The following GIGYF1 variants were observed in gnomAD, a reference collection of about 807,000 sequenced individuals.
GIGYF1 encodes the protein GRB10-interacting GYF protein 1.
In GIGYF1, 84 loss-of-function variants were observed where a neutral mutation model predicts 147.1. The ratio of observed to expected loss-of-function variants is 0.57; its 90% confidence interval spans 0.48 to 0.68. The LOEUF (loss-of-function observed/expected upper bound fraction) is 0.68. GIGYF1 is among the 30% of genes least tolerant of loss of function. The probability of loss-of-function intolerance (pLI) is 0.00; values close to 1 mark genes in which losing one functional copy is unlikely to be tolerated. For missense variants in GIGYF1, 1,485 were observed against 1,393.7 expected (o/e 1.07, Z -1.04); for synonymous variants, 752 against 589.5 (o/e 1.28, Z -3.99).
rs1168010330 is a variant in GIGYF1 at position 100,686,748 on chromosome 7, G to A, written c.595C>T (p.Arg199Cys). 4.3e-6 allele frequency: 7 copies of A among 1,613,816 alleles called. No individual in the cohort carries two copies. The highest frequency in any genetic ancestry group is 1.6e-4 in the Middle Eastern group (1 of 6,084). The change falls in exon 10 of 27, where the codon CGC (arginine) becomes TGC (cysteine). Residue 199 changes from arginine to cysteine, a missense_variant. Transcript: ENST00000678049. ...TCCTCCTGTTCCTCCCGTAGGGAGC[G>A]CCAGTTCTCGCTGTCTGAGCGGGCG... ...EHARSDSENWRSLREEQEEEE... is the reference protein window; with the variant it reads ...EHARSDSENWCSLREEQEEEE...
At position 100,686,262 on chromosome 7, in the gene GIGYF1, T is replaced by A. The variant is rs745925625; in HGVS notation, c.866A>T (p.Asp289Val). 6 of 1,613,920 alleles carry A rather than the reference T, an allele frequency of 3.7e-6. No individual in the cohort carries two copies. The East Asian group carries it at 1.1e-4, about 30-fold the overall frequency. ...RAPEGFEEDKDGLPEWCLDDE... is the reference protein window; with the variant it reads ...RAPEGFEEDKVGLPEWCLDDE... ...GTCCAGGCACCACTCTGGGAGCCCA[T>A]CCTTGTCCTCCTCAAAGCCTTCAGG... Residue 289 changes from aspartate to valine, a missense_variant, in exon 11 of 27, where the codon GAT (aspartate) becomes GTT (valine). Transcript: ENST00000678049.
rs992248992 is a variant in GIGYF1, at chr7:100,683,738, G to C, written c.1969+80C>G. ...CCCAGCCAGAATGGCAGCTAGGGGC[G>C]TGTGGGGGTGGGGAGCAGACCCCAG... On this transcript the variant is annotated intron_variant, in intron 19 of 26. Transcript: ENST00000678049. 6.5e-5 allele frequency: 101 copies of C among 1,543,430 alleles called. 1 individual carries two copies. Among genetic ancestry groups the C allele is most frequent in the South Asian group, 4.6e-4 (41 of 89,646 alleles).
rs763169273 is a variant in GIGYF1, at chr7:100,682,335, C to T, written c.2748G>A (p.Thr916=). The T allele has an allele frequency of 3.0e-5, 48 of 1,612,368 alleles. No individual in the cohort carries two copies. The highest frequency in any genetic ancestry group is 3.6e-5 in the Non-Finnish European group (43 of 1,179,766). ...CEQMLHTLSA[T]GSLDVPMAVA... ...CCGCTCGCCCACCGTCCAGGCTGCC[C>T]GTGGCGCTCAGCGTGTGCAGCATCT... Residue 916 remains threonine (T), a synonymous_variant, in exon 24 of 27, where the codon ACG becomes ACA. Transcript: ENST00000678049.
At position 100,680,397 on chromosome 7, in the gene GIGYF1, A is replaced by G. The variant is rs1000464705; in HGVS notation, c.*1322T>C. On this transcript the variant is annotated 3_prime_UTR_variant, in exon 27 of 27. Transcript: ENST00000678049. Reference sequence around the variant, plus strand: ...AAAAGACAAAACTGTTACAAAACCCAAAATGGGCGGAGACGAACCCAAGTA... The same window carrying G: ...AAAAGACAAAACTGTTACAAAACCCGAAATGGGCGGAGACGAACCCAAGTA... The G allele has an allele frequency of 1.3e-5, 2 of 152,636 alleles. No individual in the cohort carries two copies. Among genetic ancestry groups the G allele is most frequent in the African/African-American group, 4.8e-5 (2 of 41,456 alleles). 9.5% of individuals were successfully genotyped at this position (152,636 alleles called of 1,614,324 possible).
intron 4 of GIGYF1, 24 bp from the exon 5 acceptor site, chr7:100,688,134 A>AGAC: frequency 6.2e-7 from 1 of 1,605,900 alleles, no homozygotes; most frequent in Non-Finnish European, 8.5e-7. Context: ...AGAGAGAAGA[A>AGAC]GACAGAGGTC....
In GIGYF1 at chr7:100,682,226, G is replaced by A. The variant is rs374210508; in HGVS notation, c.2771C>T (p.Ala924Val). The change falls in exon 25 of 27, where the codon GCT (alanine) becomes GTT (valine). Residue 924 changes from alanine to valine, a missense_variant. Ala to Val is a moderately conservative substitution (Grantham distance 64, BLOSUM62 0). Transcript: ENST00000678049. ...TTCCACCTCCTTGAGGATCGCTACA[G>A]CCATGGGCACTGCAGGATGAGCGAA... ...SATGSLDVPM[A>V]VAILKEVESP... is the part of the protein sequence containing the mutation. The A allele has an allele frequency of 2.2e-5, 36 of 1,611,988 alleles. No individual in the cohort carries two copies. The highest frequency in any genetic ancestry group is 3.0e-5 in the Non-Finnish European group (35 of 1,179,812).
intron 20 of GIGYF1, 33 bp downstream of exon 20, chr7:100,683,517 T>A: frequency 6.2e-7 from 1 of 1,613,754 alleles, no homozygotes; most frequent in Non-Finnish European, 8.5e-7. Flanking sequence ...CACCCTTCAT[T>A]CCCAGGGCCT....
chr7:100,690,327 G>A (rs1462956891), intron 1 of GIGYF1, among the ~76,000 whole-genome samples: 2 of 152,166 alleles, frequency 1.3e-5, no homozygotes, highest in Non-Finnish European at 2.9e-5. Flanking sequence ...GGAGGCATGA[G>A]GGTGGGAGAG....
chr7:100,694,024 C>G (rs934305477), intron 1 of GIGYF1, 86 bp downstream of exon 1: 1 of 146,462 alleles, frequency 6.8e-6, no homozygotes. Flanking sequence ...AGCTCGCGGG[C>G]TCGGCGCGGC....
At chr7:100,687,959 C>A in intron 5 of GIGYF1, 22 bp downstream of exon 5, 3 of 1,608,902 alleles carry the variant, frequency 1.9e-6, no homozygotes, top group East Asian at 2.2e-5. Context: ...CCACCGCCAA[C>A]CCCCCTCGCC....
At position 100,684,296 on chromosome 7, in the gene GIGYF1, C is replaced by A. The variant is rs781433329; in HGVS notation, c.1671G>T (p.Leu557=). 9 of 1,603,880 alleles carry A rather than the reference C, an allele frequency of 5.6e-6. No homozygotes were observed. The East Asian group carries it at 2.0e-4, about 36-fold the overall frequency. Residue 557 remains leucine (L), a synonymous_variant, in exon 17 of 27, where the codon CTG becomes CTT. Coordinates refer to ENST00000678049, the MANE Select transcript of GIGYF1 (RefSeq NM_001375765.1). The part of the protein sequence containing the change: ...DQERLKKQQE[L]AAAALYQQLQ... ...GCTGCTGGTACAAGGCCGCCGCGGC[C>A]AGCTCCTGTTGCTTCTTCAGCCGCT...
At position 100,688,202 on chromosome 7, in the gene GIGYF1, A is replaced by C; in HGVS notation, c.35+2T>G. ...ACGGCAGCCGAGGCACAAGTGACTC[A>C]CCACTCAGGCCCAAAGTTGAGTGTC... On this transcript the variant is annotated splice_donor_variant, in intron 4 of 26. Coordinates refer to ENST00000678049, the MANE Select transcript of GIGYF1 (RefSeq NM_001375765.1). LOFTEE classifies it high-confidence loss of function. 6.2e-7 allele frequency: 1 copy of C among 1,611,172 alleles called. No individual in the cohort carries two copies. Among genetic ancestry groups the C allele is most frequent in the Admixed American group, 1.7e-5 (1 of 59,918 alleles).
chr7:100,692,663 C>T lies in GIGYF1; in HGVS notation c.-1099+1447G>A, dbSNP rs916320478. ...ATCACGAACACAAGACTGATGTGTCCAACAGCAGAAAAAGCTAGTCCAGAA... is the reference window on the plus strand; with the variant it reads ...ATCACGAACACAAGACTGATGTGTCTAACAGCAGAAAAAGCTAGTCCAGAA... On this transcript the variant is annotated intron_variant, in intron 1 of 26. Transcript: ENST00000678049. Among the ~76,000 whole-genome samples, 28 of 152,242 alleles carry T rather than the reference C, an allele frequency of 1.8e-4. 1 individual carries two copies. The highest frequency in any genetic ancestry group is 6.3e-4 in the African/African-American group (26 of 41,524).
At chr7:100,690,781 C>CA (rs34194201) in intron 1 of GIGYF1, among the ~76,000 whole-genome samples, 38,869 of 93,422 alleles carry the variant, frequency 0.42, 8,452 homozygotes, top group Middle Eastern at 0.57. Context: ...GACTCTGTCT[C>CA]AAAAAAAAAA....
At chr7:100,692,843 A>T (rs1805927105) in intron 1 of GIGYF1, among the ~76,000 whole-genome samples, 1 of 152,164 alleles carries the variant, frequency 6.6e-6, no homozygotes, top group Non-Finnish European at 1.5e-5. Context: ...CAATCTAAGA[A>T]AATCAGATTG....
At position 100,685,074 on chromosome 7, in the gene GIGYF1, T is replaced by A; in HGVS notation, c.1265A>T (p.Asp422Val). The A allele has an allele frequency of 6.3e-7, 1 of 1,574,854 alleles. No individual in the cohort carries two copies. Among genetic ancestry groups the A allele is most frequent in the Non-Finnish European group, 8.6e-7 (1 of 1,159,124 alleles). Residue 422 changes from aspartate to valine, a missense_variant, in exon 14 of 27, where the codon GAT (aspartate) becomes GTT (valine). Asp to Val is a radical substitution (Grantham distance 152, BLOSUM62 -3). Coordinates refer to ENST00000678049, the MANE Select transcript of GIGYF1 (RefSeq NM_001375765.1). ...CTGCTGCAGGTGCTTCAAGCCTTCA[T>A]CATCCTCCAGATCTCCGGGTGGGCC... ...SAGPPGDLED[D>V]EGLKHLQQEA...
In GIGYF1 at chr7:100,687,064, T is replaced by A; in HGVS notation, c.483-18A>T. 1 of 1,613,766 alleles carries A rather than the reference T, an allele frequency of 6.2e-7. No individual in the cohort carries two copies. Among genetic ancestry groups the A allele is most frequent in the Non-Finnish European group, 8.5e-7 (1 of 1,180,008 alleles). On this transcript the variant is annotated intron_variant, in intron 8 of 26. Transcript: ENST00000678049. ...TCTCGCCTCTGCAGCAGGGGAAACG[T>A]GTGGGTCAGAAACAGTACAGCCTCC...
At position 100,685,150 on chromosome 7, in the gene GIGYF1, G is replaced by A. The variant is rs774298828; in HGVS notation, c.1193-4C>T. On this transcript the variant is annotated splice_polypyrimidine_tract_variant and splice_region_variant and intron_variant, in intron 13 of 26. Transcript: ENST00000678049. ...AGCTGGATCCCCCGAATATCATCTG[G>A]AAGGCATGAGATAGGAGGTGGAAAG... 14 of 1,576,734 alleles carry A rather than the reference G, an allele frequency of 8.9e-6. No homozygotes were observed. Among genetic ancestry groups the A allele is most frequent in the Middle Eastern group, 1.7e-4 (1 of 6,034 alleles).
At position 100,684,004 on chromosome 7, in the gene GIGYF1, C is replaced by T. The variant is rs368738350; in HGVS notation, c.1868+16G>A. On this transcript the variant is annotated intron_variant, in intron 18 of 26. Coordinates refer to ENST00000678049, the MANE Select transcript of GIGYF1 (RefSeq NM_001375765.1). ...CCCCCCACCCTGTATCCTGAGGGCT[C>T]GCACGCACCACGCACCTGGGGGGTT... 7.0e-6 allele frequency: 11 copies of T among 1,580,860 alleles called. No individual in the cohort carries two copies. Among genetic ancestry groups the T allele is most frequent in the African/African-American group, 5.4e-5 (4 of 74,308 alleles).
Sources: gnomAD v4.1 joint callset for allele counts (sites outside exome capture counted in the v4.1 genomes callset) on GRCh38, gnomAD v4.1.1 for gene constraint, MANE v1.5 for transcripts, NCBI Gene and HGNC (gene_info 2026-07-23, HGNC 2026-07-21) for gene names.